The following RAP1GAP2 variants were observed in gnomAD, a reference collection of about 807,000 sequenced individuals.
RAP1GAP2 encodes the protein rap1 GTPase-activating protein 2.
RAP1GAP2 carries 27 observed loss-of-function variants against 95.0 expected under a neutral mutation model. The ratio of observed to expected loss-of-function variants is 0.28; its 90% confidence interval spans 0.21 to 0.39. RAP1GAP2 has a LOEUF of 0.39. Ranked by LOEUF, RAP1GAP2 falls within the 10% of genes least tolerant of loss-of-function variation. The pLI, the probability that RAP1GAP2 is intolerant of heterozygous loss-of-function variation, is 1.00. For synonymous variants in RAP1GAP2, 373 were observed against 380.9 expected (o/e 0.98, Z 0.24); for missense variants, 771 against 970.0 (o/e 0.79, Z 2.72).
intron 17 of RAP1GAP2, among the ~76,000 whole-genome samples, chr17:3,013,764 A>G (rs1342010074): frequency 6.8e-6 from 1 of 147,342 alleles, no homozygotes; most frequent in Non-Finnish European, 1.5e-5. Flanking sequence ...TTTTATCTGG[A>G]GCCCAGGGTT....
chr17:2,920,755 C>T (rs906725020), intron 3 of RAP1GAP2, among the ~76,000 whole-genome samples: 7 of 152,216 alleles, frequency 4.6e-5, no homozygotes, highest in Non-Finnish European at 1.5e-5. Flanking sequence ...ATGCCAAACA[C>T]GCATAGGGTG....
At chr17:2,959,468 C>T (rs1182795561) in intron 4 of RAP1GAP2, among the ~76,000 whole-genome samples, 3 of 152,178 alleles carry the variant, frequency 2.0e-5, no homozygotes, top group Non-Finnish European at 2.9e-5. Context: ...CCCCCTGGGC[C>T]CAGCCTCAGA....
At chr17:2,814,525 C>T (rs1053924735) in intron 2 of RAP1GAP2, among the ~76,000 whole-genome samples, 1 of 152,144 alleles carries the variant, frequency 6.6e-6, no homozygotes, top group African/African-American at 2.4e-5. Flanking sequence ...CTGGGGCAGC[C>T]GGAACCTCAG....
chr17:2,837,124 A>C (rs1347378326), intron 2 of RAP1GAP2, among the ~76,000 whole-genome samples: 1 of 151,926 alleles, frequency 6.6e-6, no homozygotes. Flanking sequence ...GGTGGTGCAC[A>C]CCTGTAGTCC....
At chr17:2,839,540 G>C (rs2071282789) in intron 2 of RAP1GAP2, among the ~76,000 whole-genome samples, 1 of 152,050 alleles carries the variant, frequency 6.6e-6, no homozygotes, top group Non-Finnish European at 1.5e-5. Flanking sequence ...GAAATGCATG[G>C]TTTATTCAGA....
At chr17:2,970,773 C>G (rs1421983291) in intron 8 of RAP1GAP2, among the ~76,000 whole-genome samples, 4 of 152,156 alleles carry the variant, frequency 2.6e-5, no homozygotes, top group Non-Finnish European at 5.9e-5. Context: ...GGCACAGTGG[C>G]TCATGCCTAT....
At chr17:2,900,436 T>A (rs912518980) in intron 2 of RAP1GAP2, among the ~76,000 whole-genome samples, 14 of 152,280 alleles carry the variant, frequency 9.2e-5, no homozygotes, top group South Asian at 2.1e-4. Context: ...GTTATTTTTT[T>A]AAATTAATTA....
At chr17:2,950,477 C>T (rs183464539) in intron 3 of RAP1GAP2, among the ~76,000 whole-genome samples, 2 of 152,274 alleles carry the variant, frequency 1.3e-5, no homozygotes, top group East Asian at 3.9e-4. Context: ...GGGAGCTTTC[C>T]CATAGCTCCT....
chr17:2,993,827 G>C (rs35746716), intron 12 of RAP1GAP2, among the ~76,000 whole-genome samples: 20,358 of 152,010 alleles, frequency 0.13, 1,664 homozygotes, highest in East Asian at 0.23. Flanking sequence ...TTGAGCCCAG[G>C]AGTTTGAGAC....
chr17:3,012,337 G>T (rs1027670242), intron 17 of RAP1GAP2, among the ~76,000 whole-genome samples: 1 of 151,992 alleles, frequency 6.6e-6, no homozygotes, highest in Admixed American at 6.6e-5. Flanking sequence ...TGAACGTTTG[G>T]CTGGGCGCGG....
chr17:2,969,304 C>T (rs968070745), intron 8 of RAP1GAP2, among the ~76,000 whole-genome samples: 60 of 151,656 alleles, frequency 4.0e-4, no homozygotes, highest in African/African-American at 1.5e-3. Context: ...CAGTGGTTTT[C>T]TGTGGACCTG....
intron 3 of RAP1GAP2, among the ~76,000 whole-genome samples, chr17:2,928,409 G>A (rs1043480283): frequency 1.4e-4 from 22 of 152,132 alleles, no homozygotes; most frequent in African/African-American, 3.9e-4. Context: ...CCTCTGTTTC[G>A]TCCTGACAAA....
At chr17:2,845,572 C>T (rs2071547458) in intron 2 of RAP1GAP2, among the ~76,000 whole-genome samples, 1 of 152,152 alleles carries the variant, frequency 6.6e-6, no homozygotes. Flanking sequence ...TGTTTTAAAA[C>T]TTCTTATCAG....
intron 3 of RAP1GAP2, among the ~76,000 whole-genome samples, chr17:2,925,540 C>T (rs568788921): frequency 1.3e-5 from 2 of 152,156 alleles, no homozygotes; most frequent in East Asian, 1.9e-4. Flanking sequence ...TCGCTCCACT[C>T]GTGGGGATTA....
At chr17:3,006,644 A>G (rs1009101910) in intron 16 of RAP1GAP2, among the ~76,000 whole-genome samples, 3 of 150,582 alleles carry the variant, frequency 2.0e-5, no homozygotes, top group Non-Finnish European at 4.4e-5. Flanking sequence ...CATGTTAGCC[A>G]GGATGGTCTT....
intron 3 of RAP1GAP2, among the ~76,000 whole-genome samples, chr17:2,949,122 C>T (rs532211280): frequency 4.4e-4 from 67 of 152,288 alleles, no homozygotes; most frequent in African/African-American, 1.4e-3. Context: ...GGGGCCCAGA[C>T]GGAGTTCCTC....
chr17:2,953,605 G>T (rs1430915281), intron 3 of RAP1GAP2, among the ~76,000 whole-genome samples: 1 of 152,132 alleles, frequency 6.6e-6, no homozygotes, highest in Admixed American at 6.6e-5. Flanking sequence ...CCAGCACTTC[G>T]GGAGGCCAAG....
chr17:2,854,097 G>C, intron 2 of RAP1GAP2: 1 of 985,440 alleles, frequency 1.0e-6, no homozygotes, highest in Non-Finnish European at 1.2e-6. Context: ...AGAATAAAGA[G>C]AAAAGGTAAA....
chr17:2,827,957 C>T lies in RAP1GAP2; in HGVS notation c.80+27407C>T, dbSNP rs896545526. The stretch of plus-strand genomic sequence containing the variant: ...CAGCTACTGCTCCGGCCAGCCCTTC[C>T]CTGTGGGGGAGCCACAAGAGGCCGT... On this transcript the variant is annotated intron_variant, in intron 2 of 24. Transcript: ENST00000254695. This position sits in a 1 kb window ranked among gnomAD's most constrained non-coding sequence, Gnocchi z 4.1. 6.6e-6 allele frequency among the ~76,000 whole-genome samples: 1 copy of T among 152,234 alleles called. No individual in the cohort carries two copies. The highest frequency in any genetic ancestry group is 2.4e-5 in the African/African-American group (1 of 41,468).
Sources: gnomAD v4.1 joint callset for allele counts (sites outside exome capture counted in the v4.1 genomes callset) on GRCh38, gnomAD v4.1.1 for gene constraint, Gnocchi (gnomAD v3.1) non-coding constraint, MANE v1.5 for transcripts, NCBI Gene and HGNC (gene_info 2026-07-23, HGNC 2026-07-21) for gene names.